Variants in ALPK2 observed in about 807,000 individuals in gnomAD.
The protein encoded by ALPK2 is alpha kinase 2, also known as alpha-protein kinase 2.
A neutral mutation model predicts 163.1 loss-of-function variants in ALPK2; 127 were observed. That is an observed-to-expected ratio of 0.78 (90% CI 0.67 to 0.90). The LOEUF is 0.90. Ranked by LOEUF, ALPK2 falls within the 40% of genes least tolerant of loss-of-function variation. The pLI, the probability that ALPK2 is intolerant of heterozygous loss-of-function variation, is 0.00. For synonymous variants in ALPK2, 953 were observed against 959.1 expected, an observed-to-expected ratio of 0.99 and a Z score of 0.12; for missense variants, 2,360 against 2,589.6, an observed-to-expected ratio of 0.91 and a Z score of 1.92.
At chr18:58,550,708 G>A (rs1257747238) in intron 4 of ALPK2, among the ~76,000 whole-genome samples, 122 of 25,984 alleles carry the variant, frequency 4.7e-3, no homozygotes, top group Non-Finnish European at 5.6e-3. Flanking sequence ...CCCCATCCCC[G>A]CTTCCATCAC....
At chr18:58,604,697 G>A (rs927216234) in intron 3 of ALPK2, among the ~76,000 whole-genome samples, 3 of 152,180 alleles carry the variant, frequency 2.0e-5, no homozygotes, top group African/African-American at 7.2e-5. Flanking sequence ...CCTAGTAGAC[G>A]GGCTATTTTT....
intron 4 of ALPK2, among the ~76,000 whole-genome samples, chr18:58,560,351 C>T (rs560315339): frequency 6.6e-6 from 1 of 152,360 alleles, no homozygotes; most frequent in East Asian, 1.9e-4. Context: ...CATTAAACCT[C>T]TTTTCTTCCC....
chr18:58,603,197 T>C (rs2052080228), intron 3 of ALPK2, among the ~76,000 whole-genome samples: 1 of 152,254 alleles, frequency 6.6e-6, no homozygotes, highest in African/African-American at 2.4e-5. Flanking sequence ...GGGTCTGGAT[T>C]GGAACCCCTT....
At chr18:58,548,923 T>C (rs1169476831) in intron 4 of ALPK2, among the ~76,000 whole-genome samples, 1 of 152,168 alleles carries the variant, frequency 6.6e-6, no homozygotes, top group African/African-American at 2.4e-5. Context: ...TCAGTCTGGT[T>C]CTCTTCTCAT....
Position 58,534,939 on chromosome 18 carries a change from T to G in ALPK2, c.5248A>C (p.Lys1750Gln). Residue 1750 changes from lysine (K) to glutamine (Q), a missense_variant, in exon 5 of 13, where the codon AAG (lysine) becomes CAG (glutamine). Coordinates refer to ENST00000361673, the MANE Select transcript of ALPK2 (RefSeq NM_052947.4). ...ATCTTTTTAAGAAAGGCTGAGTTCT[T>G]TCTGATATTTTCCTTTTCTTCCAGT... is the stretch of plus-strand genomic sequence containing the variant. ...LKLEEKENIR[K>Q]NSAFLKKMPK... The G allele has an allele frequency of 6.2e-7, 1 of 1,614,174 alleles. No homozygotes were observed. The highest frequency in any genetic ancestry group is 1.1e-5 in the South Asian group (1 of 91,072).
intron 12 of ALPK2, among the ~76,000 whole-genome samples, chr18:58,484,982 A>T (rs929950214): frequency 4.6e-5 from 7 of 152,188 alleles, no homozygotes; most frequent in Non-Finnish European, 8.8e-5. Context: ...GTAGGGGCAG[A>T]GGGTGCCTGG....
At chr18:58,503,870 C>T (rs2051446296) in intron 11 of ALPK2, 61 bp downstream of exon 11, 1 of 1,502,342 alleles carries the variant, frequency 6.7e-7, no homozygotes, top group Admixed American at 1.8e-5. Flanking sequence ...TCCCTCTCCA[C>T]CCACAGGAAC....
intron 1 of ALPK2, among the ~76,000 whole-genome samples, chr18:58,628,415 C>T (rs2052242622): frequency 6.6e-6 from 1 of 152,188 alleles, no homozygotes; most frequent in Admixed American, 6.5e-5. Context: ...CTTTGCAAAA[C>T]TTTACATATC....
chr18:58,592,133 C>G (rs1052516505), intron 3 of ALPK2, among the ~76,000 whole-genome samples: 13 of 152,326 alleles, frequency 8.5e-5, no homozygotes, highest in African/African-American at 2.9e-4. Flanking sequence ...CCTGTGGCCC[C>G]CAATGAGCAG....
At position 58,535,625 on chromosome 18, in the gene ALPK2, A is replaced by G. The variant is rs2051640848; in HGVS notation, c.4562T>C (p.Leu1521Ser). ...GQIQESSDGS[L>S]GEAEQSKKDK... is the part of the protein sequence containing the mutation. ...CTTTTTGCTTTGCTCAGCCTCCCCT[A>G]AGCTCCCATCACTGCTTTCTTGTAT... Residue 1521 changes from leucine (L) to serine (S), a missense_variant, in exon 5 of 13, where the codon TTA (leucine) becomes TCA (serine). By Grantham distance (145) the Leu-to-Ser change is moderately radical. Transcript: ENST00000361673. 1 of 1,614,118 alleles carries G rather than the reference A, an allele frequency of 6.2e-7. No homozygotes were observed. The highest frequency in any genetic ancestry group is 1.1e-5 in the South Asian group (1 of 91,068).
chr18:58,565,368 A>G (rs1343572356), intron 4 of ALPK2, among the ~76,000 whole-genome samples: 1 of 152,222 alleles, frequency 6.6e-6, no homozygotes, highest in Non-Finnish European at 1.5e-5. Context: ...CTTACTGGCA[A>G]TGTACCCATT....
intron 4 of ALPK2, among the ~76,000 whole-genome samples, chr18:58,551,893 T>G (rs1158814156): frequency 6.6e-6 from 1 of 152,128 alleles, no homozygotes; most frequent in East Asian, 1.9e-4. Context: ...GACCAACCCA[T>G]GCCTGAGTGG....
At chr18:58,509,956 GC>G (rs921530089) in intron 10 of ALPK2, among the ~76,000 whole-genome samples, 2 of 152,144 alleles carry the variant, frequency 1.3e-5, no homozygotes, top group African/African-American at 4.8e-5. Flanking sequence ...TGAAGTCTTT[GC>G]CCATGCCTAT....
At chr18:58,565,458 A>G (rs987626591) in intron 4 of ALPK2, among the ~76,000 whole-genome samples, 5 of 152,058 alleles carry the variant, frequency 3.3e-5, no homozygotes, top group African/African-American at 1.2e-4. Flanking sequence ...TAAAATTTGT[A>G]TTTTCCTAAT....
rs755380961 is a variant in ALPK2 at position 58,535,658 on chromosome 18, A to G, written c.4529T>C (p.Ile1510Thr). The G allele has an allele frequency of 8.1e-6, 13 of 1,614,114 alleles. No homozygotes were observed. The highest frequency in any genetic ancestry group is 1.1e-5 in the Non-Finnish European group (13 of 1,180,028). Residue 1510 changes from isoleucine (I) to threonine (T), a missense_variant, in exon 5 of 13, where the codon ATA (isoleucine) becomes ACA (threonine). Physicochemically the swap from Ile to Thr is moderately conservative, Grantham distance 89. Coordinates refer to ENST00000361673, the MANE Select transcript of ALPK2 (RefSeq NM_052947.4). ...GGERIPSGCS[I>T]GQIQESSDGS... ...ATCACTGCTTTCTTGTATTTGGCCT[A>G]TGCTACATCCACTTGGAATTCTTTC... is the stretch of plus-strand genomic sequence containing the variant.
intron 12 of ALPK2, among the ~76,000 whole-genome samples, chr18:58,493,889 A>T (rs1185509720): frequency 6.6e-6 from 1 of 152,160 alleles, no homozygotes; most frequent in Non-Finnish European, 1.5e-5. Context: ...AAATCTGCTA[A>T]TGGTACTTTT....
intron 3 of ALPK2, among the ~76,000 whole-genome samples, chr18:58,585,397 T>G (rs181945554): frequency 2.3e-3 from 344 of 152,308 alleles, no homozygotes; most frequent in African/African-American, 7.3e-3. Context: ...TAAGAGTAGT[T>G]TTAAATTTTT....
rs776574742 is a variant in ALPK2 at position 58,629,000 on chromosome 18, C to A, written c.-257G>T. On this transcript the variant is annotated 5_prime_UTR_variant, in exon 1 of 13. An upstream start codon of the reference 5' UTR is lost. Coordinates refer to ENST00000361673, the MANE Select transcript of ALPK2 (RefSeq NM_052947.4). ...GCCCGGGGAAGTTCTGGAAGAAGAG[C>A]ATTTTTTCCCCGCCCTTCAGTGAAC... is the stretch of plus-strand genomic sequence containing the variant. 1 of 152,224 alleles carries A rather than the reference C, an allele frequency of 6.6e-6. No individual in the cohort carries two copies. The highest frequency in any genetic ancestry group is 6.5e-5 in the Admixed American group (1 of 15,286). 9.4% of individuals were successfully genotyped at this position (152,224 alleles called of 1,614,324 possible).
At chr18:58,509,212 CTCA>C (rs1265698599) in intron 10 of ALPK2, among the ~76,000 whole-genome samples, 11 of 152,092 alleles carry the variant, frequency 7.2e-5, no homozygotes, top group Non-Finnish European at 1.5e-4. Context: ...AAGACATGAA[CTCA>C]TCATTTTTTA....
Sources: allele counts gnomAD v4.1 joint callset (sites outside exome capture counted in the v4.1 genomes callset), GRCh38; gene constraint gnomAD v4.1.1; transcripts MANE v1.5; gene names NCBI Gene and HGNC (gene_info 2026-07-23, HGNC 2026-07-21).